SPARCL1: variants seen among roughly 807,000 people sequenced by gnomAD.
SPARCL1 encodes the protein SPARC like 1, also known as SPARC-like protein 1.
Under a neutral mutation model 67.1 loss-of-function variants are expected in SPARCL1, and 52 were observed. The observed-to-expected ratio is 0.78, with a 90% CI of 0.62 to 0.98. The LOEUF (loss-of-function observed/expected upper bound fraction) is 0.98, where lower values mean the gene tolerates loss of function less well. SPARCL1 is among the 50% of genes least tolerant of loss of function. The probability of loss-of-function intolerance (pLI) is 0.00; values close to 1 mark genes in which losing one functional copy is unlikely to be tolerated. For missense variants in SPARCL1, 717 were observed against 782.4 expected (o/e 0.92, Z 1.00); for synonymous variants, 226 against 267.8 (o/e 0.84, Z 1.52).
At chr4:87,478,439 A>AC (rs1723668237) in intron 10 of SPARCL1, among the ~76,000 whole-genome samples, 1 of 138,800 alleles carries the variant, frequency 7.2e-6, no homozygotes, top group Non-Finnish European at 1.6e-5. Flanking sequence ...AACATCTTTC[A>AC]TTTTTTTTTT....
chr4:87,509,612 ATGT>A (rs987807441), intron 1 of SPARCL1, among the ~76,000 whole-genome samples: 2 of 152,178 alleles, frequency 1.3e-5, no homozygotes, highest in Admixed American at 1.3e-4. Flanking sequence ...AGTCTCTAGG[ATGT>A]TAATATTTGG....
Position 87,509,756 on chromosome 4 carries a change from C to A in SPARCL1, c.-11-10171G>T, listed in dbSNP as rs192805363. Among the ~76,000 whole-genome samples, 10 of 152,242 alleles carry A rather than the reference C, an allele frequency of 6.6e-5. No homozygotes were observed. In the East Asian group the frequency reaches 1.9e-3, roughly 29 times the overall value. On this transcript the variant is annotated intron_variant, in intron 1 of 10. Coordinates refer to ENST00000282470, the MANE Select transcript of SPARCL1 (RefSeq NM_004684.6). ...ATTCCAGCCATAGAGCTATAGGGAC[C>A]CAAAGAATTATTGTAAGTGTCTGTG... is the stretch of plus-strand genomic sequence containing the variant.
chr4:87,489,941 T>C (rs1339642516), intron 7 of SPARCL1, among the ~76,000 whole-genome samples: 2 of 152,176 alleles, frequency 1.3e-5, no homozygotes, highest in African/African-American at 2.4e-5. Flanking sequence ...AGAGGGCAAA[T>C]AATGTAGCAA....
chr4:87,480,837 T>A lies in SPARCL1; in HGVS notation c.1669-317A>T, dbSNP rs555467653. Among the ~76,000 whole-genome samples the A allele has an allele frequency of 3.5e-4, 53 of 150,470 alleles. No homozygotes were observed. The South Asian group carries it at 0.011, about 30-fold the overall frequency. On this transcript the variant is annotated intron_variant, in intron 8 of 10. Coordinates refer to ENST00000282470, the MANE Select transcript of SPARCL1 (RefSeq NM_004684.6). ...GTTCGCTGCTTTTTTTTTTTTTTTT[T>A]AAACTATGAGGTTTTAATGAAAAGG...
chr4:87,528,247 A>C (rs958945579), intron 1 of SPARCL1: 1 of 152,106 alleles, frequency 6.6e-6, no homozygotes, highest in Non-Finnish European at 1.5e-5. Flanking sequence ...GGAAGGATGA[A>C]TAAGCACAAC....
At chr4:87,516,589 C>T (rs1410083082) in intron 1 of SPARCL1, among the ~76,000 whole-genome samples, 5 of 152,156 alleles carry the variant, frequency 3.3e-5, no homozygotes. Flanking sequence ...CCCTCACCTC[C>T]ATTTCACAGA....
At chr4:87,506,147 T>C (rs1335071487) in intron 1 of SPARCL1, among the ~76,000 whole-genome samples, 1 of 152,124 alleles carries the variant, frequency 6.6e-6, no homozygotes, top group Non-Finnish European at 1.5e-5. Context: ...ATCGCCCTGA[T>C]TGAGAACCAT....
chr4:87,493,456 G>A (rs1724437722), intron 4 of SPARCL1, 126 bp downstream of exon 4: 1 of 782,816 alleles, frequency 1.3e-6, no homozygotes, highest in South Asian at 2.4e-5. Flanking sequence ...AGAAATAACT[G>A]TAATATATTT....
At chr4:87,506,129 G>C (rs1348421322) in intron 1 of SPARCL1, among the ~76,000 whole-genome samples, 1 of 152,102 alleles carries the variant, frequency 6.6e-6, no homozygotes, top group African/African-American at 2.4e-5. Flanking sequence ...TGTTCCATGG[G>C]GGGCAAAATC....
chr4:87,528,662 AT>A (rs1440385342), intron 1 of SPARCL1: 1 of 151,768 alleles, frequency 6.6e-6, no homozygotes, highest in Admixed American at 6.6e-5. Flanking sequence ...TTGATTTGAA[AT>A]TTTTTTTAAA....
intron 1 of SPARCL1, among the ~76,000 whole-genome samples, chr4:87,506,256 T>C (rs1006215079): frequency 6.6e-6 from 1 of 152,208 alleles, no homozygotes; most frequent in African/African-American, 2.4e-5. Context: ...GCAAGTTACT[T>C]AGCCCTCTAA....
chr4:87,522,448 A>G (rs562190827), intron 1 of SPARCL1, among the ~76,000 whole-genome samples: 5 of 151,930 alleles, frequency 3.3e-5, no homozygotes, highest in African/African-American at 1.2e-4. Context: ...AAGGGCACAT[A>G]CATTTAGTGC....
intron 7 of SPARCL1, among the ~76,000 whole-genome samples, chr4:87,488,777 A>T (rs780854624): frequency 1.3e-5 from 2 of 152,160 alleles, no homozygotes; most frequent in African/African-American, 4.8e-5. Context: ...ACTTTCAGAG[A>T]TGCCTTTCCC....
intron 10 of SPARCL1, among the ~76,000 whole-genome samples, chr4:87,475,438 CCAT>C (rs1723547096): frequency 1.3e-5 from 2 of 152,284 alleles, no homozygotes; most frequent in African/African-American, 2.4e-5. Context: ...CCTCCCCTAT[CCAT>C]CATCTAGATG....
chr4:87,511,936 ATTCCT>A (rs1207016258), intron 1 of SPARCL1, among the ~76,000 whole-genome samples: 6 of 146,604 alleles, frequency 4.1e-5, no homozygotes, highest in South Asian at 2.2e-4. Flanking sequence ...GATCATTCAG[ATTCCT>A]TTCCTTTCCT....
chr4:87,499,564 C>G lies in SPARCL1; in HGVS notation c.11G>C (p.Gly4Ala). ...TCCCAAGAGACATAGGAAAAAAAGC[C>G]CAGTCTTCATGCTTTCCAGATCTGT... is the stretch of plus-strand genomic sequence containing the variant. MKT[G>A]LFFLCLLGTA... The change falls in exon 2 of 11, where the codon GGG (glycine) becomes GCG (alanine). Residue 4 changes from glycine (G) to alanine (A), a missense_variant. Physicochemically the swap from Gly to Ala is moderately conservative, Grantham distance 60 (BLOSUM62 0). Coordinates refer to ENST00000282470, the MANE Select transcript of SPARCL1 (RefSeq NM_004684.6). 1 of 1,589,246 alleles carries G rather than the reference C, an allele frequency of 6.3e-7. No homozygotes were observed. Among genetic ancestry groups the G allele is most frequent in the South Asian group, 1.2e-5 (1 of 85,666 alleles).
chr4:87,511,929 C>A (rs1725374745), intron 1 of SPARCL1, among the ~76,000 whole-genome samples: 1 of 149,784 alleles, frequency 6.7e-6, no homozygotes, highest in African/African-American at 2.5e-5. Flanking sequence ...TGAATGTGAT[C>A]ATTCAGATTC....
chr4:87,494,746 GT>G (rs1724547123), intron 3 of SPARCL1, 148 bp from the exon 4 acceptor site: 1 of 883,240 alleles, frequency 1.1e-6, no homozygotes, highest in Non-Finnish European at 1.7e-6. Flanking sequence ...GTAGCCACAG[GT>G]TTAAACTGAA....
intron 1 of SPARCL1, among the ~76,000 whole-genome samples, chr4:87,502,062 C>T (rs913633339): frequency 6.6e-6 from 1 of 151,828 alleles, no homozygotes; most frequent in African/African-American, 2.4e-5. Context: ...CCTCAGCCCC[C>T]TAAAGTGCTA....
Sources: gnomAD v4.1 joint callset for allele counts (sites outside exome capture counted in the v4.1 genomes callset) on GRCh38, gnomAD v4.1.1 for gene constraint, MANE v1.5 for transcripts, NCBI Gene and HGNC (gene_info 2026-07-23, HGNC 2026-07-21) for gene names.